The following STAG1 variants were observed in gnomAD, a reference collection of about 807,000 sequenced individuals.
The protein encoded by STAG1 is STAG1 cohesin complex component, also known as cohesin subunit SA-1.
Under a neutral mutation model 170.9 loss-of-function variants are expected in STAG1, and 26 were observed. The observed-to-expected ratio is 0.15, with a 90% CI of 0.11 to 0.21. The LOEUF is 0.21. Among genes scored for constraint, STAG1 ranks in the 10% least tolerant of loss-of-function variants. The pLI is 1.00. For missense variants in STAG1, 964 were observed against 1,509.5 expected, an observed-to-expected ratio of 0.64 and a Z score of 5.99; for synonymous variants, 514 against 497.7, an observed-to-expected ratio of 1.03 and a Z score of -0.44.
intron 21 of STAG1, among the ~76,000 whole-genome samples, chr3:136,400,368 C>T (rs957228230): frequency 4.6e-5 from 7 of 151,942 alleles, no homozygotes; most frequent in African/African-American, 1.2e-4. Context: ...GCTGGAACTA[C>T]AGGCACACGC....
At chr3:136,600,891 TTTTGTTTTGTTTTG>T (rs1370012592) in intron 4 of STAG1, among the ~76,000 whole-genome samples, 1 of 148,138 alleles carries the variant, frequency 6.8e-6, no homozygotes. Flanking sequence ...TTTTGTTTTG[TTTTGTTTTGTTTTG>T]TTTGAGAAGA....
chr3:136,654,707 C>A (rs1222581959), intron 1 of STAG1, among the ~76,000 whole-genome samples: 1 of 152,164 alleles, frequency 6.6e-6, no homozygotes, highest in African/African-American at 2.4e-5. Flanking sequence ...GATACTGAAT[C>A]TTGAAGAACA....
chr3:136,584,132 A>G lies in STAG1; in HGVS notation c.298-15271T>C, dbSNP rs150911802. On this transcript the variant is annotated intron_variant, in intron 4 of 33. Transcript: ENST00000383202. ...ATCACCAACAATCGTTAAAAGCACA[A>G]TGCTCTCCTGTCCTGGTACTCTAAA... is the stretch of plus-strand genomic sequence containing the variant. 1.3e-4 allele frequency among the ~76,000 whole-genome samples: 20 copies of G among 152,306 alleles called. No individual in the cohort carries two copies. The East Asian group carries it at 3.3e-3, about 25-fold the overall frequency.
At chr3:136,614,503 G>C (rs1939480209) in intron 3 of STAG1, among the ~76,000 whole-genome samples, 2 of 152,152 alleles carry the variant, frequency 1.3e-5, no homozygotes, top group Non-Finnish European at 1.5e-5. Flanking sequence ...AACACAGTAA[G>C]TAATGAATTT....
chr3:136,415,310 T>G (rs1338398310), intron 21 of STAG1, among the ~76,000 whole-genome samples: 2 of 75,756 alleles, frequency 2.6e-5, no homozygotes, highest in Non-Finnish European at 5.4e-5. Context: ...AATTGGTTAT[T>G]ATAAAAAAAA....
chr3:136,525,966 T>A (rs987078144), intron 6 of STAG1, among the ~76,000 whole-genome samples: 10 of 152,224 alleles, frequency 6.6e-5, no homozygotes, highest in African/African-American at 2.4e-4. Flanking sequence ...AGAGACAGTT[T>A]GTTATAATTT....
intron 6 of STAG1, among the ~76,000 whole-genome samples, chr3:136,523,454 T>A (rs1934803668): frequency 6.6e-6 from 1 of 152,250 alleles, no homozygotes; most frequent in African/African-American, 2.4e-5. Context: ...TCTTTGTAGA[T>A]TCTGGATATT....
rs540153693 is a variant in STAG1 at position 136,363,523 on chromosome 3, A to C, written c.2686-56T>G. 333 of 715,358 alleles carry C rather than the reference A, an allele frequency of 4.7e-4. 1 individual carries two copies. The African/African-American group carries it at 4.7e-3, about 10-fold the overall frequency. 44.3% of individuals were successfully genotyped at this position (715,358 alleles called of 1,614,324 possible). ...AAAATTACTGACATTTCATGAGATA[A>C]AGAATAGGTTGGTGTCACCTCCTTT... On this transcript the variant is annotated intron_variant, in intron 25 of 33. Transcript: ENST00000383202.
At chr3:136,431,609 C>G (rs9845396) in intron 16 of STAG1, among the ~76,000 whole-genome samples, 6,198 of 152,244 alleles carry the variant, frequency 0.041, 161 homozygotes, top group East Asian at 0.13. Flanking sequence ...GGAGATCTAG[C>G]AACACATTCT....
At chr3:136,531,091 C>T (rs1263501715) in intron 6 of STAG1, among the ~76,000 whole-genome samples, 2 of 152,040 alleles carry the variant, frequency 1.3e-5, no homozygotes, top group African/African-American at 2.4e-5. Context: ...GCAACAAGAG[C>T]GAAACTCTGT....
chr3:136,400,897 A>G (rs2087305326), intron 21 of STAG1, among the ~76,000 whole-genome samples: 1 of 152,158 alleles, frequency 6.6e-6, no homozygotes, highest in Non-Finnish European at 1.5e-5. Context: ...CATTTTTGCA[A>G]ATCTCTTTAA....
At chr3:136,347,135 C>T (rs1038494341) in intron 29 of STAG1, among the ~76,000 whole-genome samples, 4 of 149,654 alleles carry the variant, frequency 2.7e-5, no homozygotes, top group African/African-American at 9.8e-5. Context: ...TGGCTCATGT[C>T]TATAATCCCA....
intron 9 of STAG1, among the ~76,000 whole-genome samples, chr3:136,478,393 A>C (rs892078279): frequency 2.0e-5 from 3 of 152,216 alleles, no homozygotes; most frequent in Non-Finnish European, 4.4e-5. Context: ...TTGTAAACAA[A>C]TACAATGTTA....
intron 1 of STAG1, among the ~76,000 whole-genome samples, chr3:136,665,879 T>A (rs1434128618): frequency 6.7e-6 from 1 of 148,386 alleles, no homozygotes; most frequent in Non-Finnish European, 1.5e-5. Context: ...ATCGAGACCA[T>A]CCTGGCTAAC....
At chr3:136,551,899 T>C (rs1165716544) in intron 5 of STAG1, among the ~76,000 whole-genome samples, 1 of 151,962 alleles carries the variant, frequency 6.6e-6, no homozygotes, top group Non-Finnish European at 1.5e-5. Flanking sequence ...CTGGCCTACT[T>C]GAGAGAAAGA....
intron 15 of STAG1, among the ~76,000 whole-genome samples, chr3:136,440,383 C>T (rs911637501): frequency 6.6e-6 from 1 of 152,026 alleles, no homozygotes; most frequent in African/African-American, 2.4e-5. Context: ...ATGATCCACC[C>T]ATCTTGGCCT....
intron 28 of STAG1, among the ~76,000 whole-genome samples, chr3:136,355,502 T>C (rs565326458): frequency 6.6e-6 from 1 of 151,060 alleles, no homozygotes; most frequent in South Asian, 2.1e-4. Context: ...CAATAATGAA[T>C]AGGACAACTA....
chr3:136,418,359 CCAAAAAAAAAAAAAAAAAAAA>C (rs1172981286), intron 20 of STAG1, among the ~76,000 whole-genome samples: 1 of 18,770 alleles, frequency 5.3e-5, no homozygotes, highest in African/African-American at 3.8e-4. Context: ...GACTCTGTCT[CCAAAAAAAAAAAAAAAAAAAA>C]AAAAAAAAAA....
intron 1 of STAG1, among the ~76,000 whole-genome samples, chr3:136,669,694 G>A (rs1464970813): frequency 2.0e-5 from 3 of 152,020 alleles, no homozygotes; most frequent in African/African-American, 7.2e-5. Flanking sequence ...GACATTACAA[G>A]ACTTCGGTGA....
Sources: gnomAD v4.1 joint callset for allele counts (sites outside exome capture counted in the v4.1 genomes callset) on GRCh38, gnomAD v4.1.1 for gene constraint, MANE v1.5 for transcripts, NCBI Gene and HGNC (gene_info 2026-07-23, HGNC 2026-07-21) for gene names.